Variants in CACNA2D1 observed in about 807,000 individuals in gnomAD.
CACNA2D1 encodes calcium voltage-gated channel auxiliary subunit alpha2delta 1.
In CACNA2D1, 53 loss-of-function variants were observed where a neutral mutation model predicts 171.5. The ratio of observed to expected loss-of-function variants is 0.31; its 90% CI spans 0.25 to 0.39. The LOEUF (loss-of-function observed/expected upper bound fraction) is 0.39. Among genes scored for constraint, CACNA2D1 ranks in the 10% least tolerant of loss-of-function variants. CACNA2D1 has a pLI of 1.00. For missense variants in CACNA2D1, 903 were observed against 1,299.8 expected, an observed-to-expected ratio of 0.69 and a Z score of 4.69; for synonymous variants, 442 against 443.1, an observed-to-expected ratio of 1.00 and a Z score of 0.03.
chr7:82,017,528 C>T (rs1719564679), intron 12 of CACNA2D1, among the ~76,000 whole-genome samples: 1 of 152,038 alleles, frequency 6.6e-6, no homozygotes, highest in Non-Finnish European at 1.5e-5. Context: ...TACTATGCTA[C>T]TGCCACCATG....
At chr7:81,957,470 A>G (rs1432853901) in intron 38 of CACNA2D1, among the ~76,000 whole-genome samples, 1 of 152,142 alleles carries the variant, frequency 6.6e-6, no homozygotes, top group Non-Finnish European at 1.5e-5. Context: ...CATCCACACC[A>G]CATGAAAACT....
intron 1 of CACNA2D1, among the ~76,000 whole-genome samples, chr7:82,402,253 C>T (rs1826509778): frequency 6.6e-6 from 1 of 152,170 alleles, no homozygotes; most frequent in African/African-American, 2.4e-5. Flanking sequence ...TATTTATCAG[C>T]AGATAGTAGC....
chr7:82,267,854 G>A (rs186561929), intron 3 of CACNA2D1, among the ~76,000 whole-genome samples: 10 of 152,036 alleles, frequency 6.6e-5, no homozygotes, highest in African/African-American at 1.9e-4. Context: ...GAAATTAGCC[G>A]GGCGTGGTGG....
chr7:82,290,770 A>G (rs566418242), intron 3 of CACNA2D1, among the ~76,000 whole-genome samples: 3 of 151,554 alleles, frequency 2.0e-5, no homozygotes, highest in South Asian at 4.2e-4. Context: ...CTAATTTTGT[A>G]TTTTTAGTAG....
rs992448970 is a variant in CACNA2D1, at chr7:82,143,934, T to C, written c.355-7258A>G. On this transcript the variant is annotated intron_variant, in intron 4 of 38. Coordinates refer to ENST00000356860, the MANE Select transcript of CACNA2D1 (RefSeq NM_000722.4). ...AATGTTTTTCTATTCAGAAATCCTA[T>C]AGCTTTTCAGAAACTGTTTATTCAC... Among the ~76,000 whole-genome samples the C allele has an allele frequency of 4.6e-5, 7 of 152,308 alleles. No homozygotes were observed. In the South Asian group the frequency reaches 1.2e-3, roughly 27 times the overall value.
At chr7:82,409,727 G>A (rs1208962306) in intron 1 of CACNA2D1, among the ~76,000 whole-genome samples, 1 of 152,070 alleles carries the variant, frequency 6.6e-6, no homozygotes, top group Non-Finnish European at 1.5e-5. Flanking sequence ...ATTGCCTAAG[G>A]TCTCTTTCGC....
chr7:82,395,708 C>A (rs535383437), intron 1 of CACNA2D1, among the ~76,000 whole-genome samples: 1 of 152,200 alleles, frequency 6.6e-6, no homozygotes, highest in East Asian at 1.9e-4. Context: ...ACAGGCATGC[C>A]TACCTGCATT....
At chr7:82,037,073 A>G (rs1803365672) in intron 11 of CACNA2D1, among the ~76,000 whole-genome samples, 2 of 152,220 alleles carry the variant, frequency 1.3e-5, no homozygotes, top group African/African-American at 4.8e-5. Context: ...AAACATGATA[A>G]TAATATTGCC....
chr7:82,365,991 C>A (rs1384042940), intron 1 of CACNA2D1, among the ~76,000 whole-genome samples: 1 of 152,110 alleles, frequency 6.6e-6, no homozygotes, highest in Non-Finnish European at 1.5e-5. Flanking sequence ...CTCTCTTAGC[C>A]AGTGAATGGA....
At chr7:82,002,663 G>T (rs1798727223) in intron 18 of CACNA2D1, among the ~76,000 whole-genome samples, 1 of 152,128 alleles carries the variant, frequency 6.6e-6, no homozygotes, top group South Asian at 2.1e-4. Flanking sequence ...TAATTAAGTA[G>T]ACCTAACCTG....
intron 3 of CACNA2D1, among the ~76,000 whole-genome samples, chr7:82,196,827 T>TTA (rs935094828): frequency 6.6e-6 from 1 of 151,876 alleles, no homozygotes; most frequent in East Asian, 1.9e-4. Context: ...TTTTTTTTTT[T>TTA]TATATATGTG....
chr7:82,189,811 G>A (rs1022008921), intron 3 of CACNA2D1, among the ~76,000 whole-genome samples: 1 of 151,744 alleles, frequency 6.6e-6, no homozygotes, highest in African/African-American at 2.4e-5. Flanking sequence ...TTTTTTACCA[G>A]GCTAGTGCTG....
intron 6 of CACNA2D1, among the ~76,000 whole-genome samples, chr7:82,085,530 A>AG (rs1365879210): frequency 2.8e-5 from 4 of 143,860 alleles, no homozygotes; most frequent in Non-Finnish European, 4.7e-5. Flanking sequence ...TTAAAAAAAA[A>AG]AAAAAGAAAA....
chr7:82,134,312 G>A (rs568143249), intron 5 of CACNA2D1, among the ~76,000 whole-genome samples: 1 of 152,120 alleles, frequency 6.6e-6, no homozygotes, highest in East Asian at 1.9e-4. Context: ...TGAAATGAAC[G>A]TTATGGATCA....
At chr7:82,366,395 A>C (rs886470556) in intron 1 of CACNA2D1, among the ~76,000 whole-genome samples, 20 of 152,044 alleles carry the variant, frequency 1.3e-4, no homozygotes, top group Non-Finnish European at 8.8e-5. Flanking sequence ...CAACTCTAGT[A>C]ATCTTTGTCT....
chr7:82,412,201 CTT>C (rs1827745025), intron 1 of CACNA2D1, among the ~76,000 whole-genome samples: 1 of 151,660 alleles, frequency 6.6e-6, no homozygotes, highest in Non-Finnish European at 1.5e-5. Context: ...TATCTAGACA[CTT>C]TGATCAGTCT....
chr7:82,201,594 A>C (rs540428381), intron 3 of CACNA2D1, among the ~76,000 whole-genome samples: 13 of 152,192 alleles, frequency 8.5e-5, no homozygotes, highest in Non-Finnish European at 1.9e-4. Flanking sequence ...CCCCAGGTGC[A>C]GTGTTAGCTG....
intron 9 of CACNA2D1, among the ~76,000 whole-genome samples, chr7:82,063,935 T>C (rs913222931): frequency 1.4e-4 from 21 of 151,952 alleles, no homozygotes; most frequent in African/African-American, 4.6e-4. Context: ...CATGGTTCAC[T>C]GTAACCTTGA....
At chr7:82,345,604 T>C (rs1415498784) in intron 2 of CACNA2D1, among the ~76,000 whole-genome samples, 2 of 152,078 alleles carry the variant, frequency 1.3e-5, no homozygotes, top group South Asian at 2.1e-4. Context: ...ATTAAGACTA[T>C]TTAATTTTTA....
Sources: gnomAD v4.1 joint callset for allele counts (sites outside exome capture counted in the v4.1 genomes callset) on GRCh38, gnomAD v4.1.1 for gene constraint, MANE v1.5 for transcripts, NCBI Gene and HGNC (gene_info 2026-07-23, HGNC 2026-07-21) for gene names.